The following CPNE4 variants were observed in gnomAD, a reference collection of about 807,000 sequenced individuals.
CPNE4 encodes copine 4.
A neutral mutation model predicts 67.9 loss-of-function variants in CPNE4; 25 were observed. That is an observed-to-expected ratio of 0.37 (90% CI 0.27 to 0.51). CPNE4 has a LOEUF of 0.51. Ranked by LOEUF, CPNE4 falls within the 20% of genes least tolerant of loss-of-function variation. The pLI is 0.93. For synonymous variants in CPNE4, 242 were observed against 244.9 expected (o/e 0.99, Z 0.11); for missense variants, 464 against 690.8 (o/e 0.67, Z 3.68).
At chr3:131,669,567 G>C (rs2080353374) in intron 7 of CPNE4, 108 bp downstream of exon 7, 1 of 777,612 alleles carries the variant, frequency 1.3e-6, no homozygotes, top group Non-Finnish European at 2.1e-6. Flanking sequence ...GAGAGGGTTG[G>C]GTACAGTGTA....
intron 2 of CPNE4, among the ~76,000 whole-genome samples, chr3:131,786,509 G>A (rs1464266946): frequency 6.6e-6 from 1 of 152,118 alleles, no homozygotes. Context: ...CTTTTCTAAT[G>A]TAATCATCCA....
intron 3 of CPNE4, among the ~76,000 whole-genome samples, chr3:131,718,037 A>T (rs1217718969): frequency 6.9e-6 from 1 of 145,100 alleles, no homozygotes; most frequent in East Asian, 2.0e-4. Flanking sequence ...AGAGTATTGC[A>T]CTGTTGCCTG....
chr3:131,725,347 A>G (rs2081977142), intron 2 of CPNE4, among the ~76,000 whole-genome samples: 1 of 152,162 alleles, frequency 6.6e-6, no homozygotes. Flanking sequence ...TGGATGGACA[A>G]TCCGGGTTGC....
At chr3:131,708,977 T>C (rs1583056955) in intron 3 of CPNE4, among the ~76,000 whole-genome samples, 1 of 94,408 alleles carries the variant, frequency 1.1e-5, no homozygotes, top group Admixed American at 9.8e-5. Flanking sequence ...TATATATATA[T>C]ATATATATAT....
chr3:131,664,184 C>T (rs1170108490), intron 7 of CPNE4, among the ~76,000 whole-genome samples: 1 of 152,138 alleles, frequency 6.6e-6, no homozygotes, highest in Non-Finnish European at 1.5e-5. Context: ...CAAGATTGTT[C>T]TGGCATGACA....
chr3:131,676,875 T>C (rs2080587217), intron 6 of CPNE4, among the ~76,000 whole-genome samples: 1 of 152,184 alleles, frequency 6.6e-6, no homozygotes, highest in Admixed American at 6.5e-5. Context: ...CAATGACTTA[T>C]ATTCCTTTGG....
intron 2 of CPNE4, among the ~76,000 whole-genome samples, chr3:131,783,364 A>C (rs771330172): frequency 4.6e-5 from 7 of 151,992 alleles, no homozygotes; most frequent in Non-Finnish European, 8.8e-5. Flanking sequence ...GTTACCTATA[A>C]ATCTTGATGG....
At chr3:131,655,795 T>A (rs952016342) in intron 7 of CPNE4, among the ~76,000 whole-genome samples, 83 of 152,168 alleles carry the variant, frequency 5.5e-4, no homozygotes, top group African/African-American at 2.0e-3. Context: ...CCTCTTCTAC[T>A]TTATTCTATT....
intron 2 of CPNE4, among the ~76,000 whole-genome samples, chr3:131,725,414 A>C (rs1463066415): frequency 6.6e-6 from 1 of 152,098 alleles, no homozygotes; most frequent in East Asian, 1.9e-4. Flanking sequence ...CATACAGAAA[A>C]CCAATCTCCA....
At chr3:131,718,709 G>A (rs1240854233) in intron 3 of CPNE4, among the ~76,000 whole-genome samples, 1 of 152,140 alleles carries the variant, frequency 6.6e-6, no homozygotes, top group Non-Finnish European at 1.5e-5. Context: ...TGCATTTTGA[G>A]TATTTATTTA....
intron 2 of CPNE4, among the ~76,000 whole-genome samples, chr3:131,853,839 A>C (rs956135505): frequency 6.6e-6 from 1 of 151,896 alleles, no homozygotes; most frequent in Non-Finnish European, 1.5e-5. Context: ...AAACCACAGT[A>C]ATATTTCATG....
chr3:131,742,672 C>G (rs2082387308), intron 2 of CPNE4, among the ~76,000 whole-genome samples: 1 of 151,866 alleles, frequency 6.6e-6, no homozygotes, highest in African/African-American at 2.4e-5. Flanking sequence ...CAGACACATC[C>G]TCTGAACAAA....
At chr3:131,582,161 A>C (rs968489436) in intron 8 of CPNE4, among the ~76,000 whole-genome samples, 10 of 152,232 alleles carry the variant, frequency 6.6e-5, no homozygotes, top group Non-Finnish European at 1.5e-5. Context: ...GGTTAGGAAT[A>C]GTGAATGCTG....
At chr3:131,757,802 G>A (rs575116539) in intron 2 of CPNE4, among the ~76,000 whole-genome samples, 3 of 152,270 alleles carry the variant, frequency 2.0e-5, no homozygotes, top group African/African-American at 7.2e-5. Context: ...TGCAGCCTAG[G>A]GAATTGGTGC....
intron 2 of CPNE4, among the ~76,000 whole-genome samples, chr3:131,781,182 C>G (rs1217368244): frequency 6.6e-6 from 1 of 152,112 alleles, no homozygotes; most frequent in Admixed American, 6.6e-5. Flanking sequence ...TTTGGTCCCA[C>G]TCTACCAAGA....
intron 2 of CPNE4, among the ~76,000 whole-genome samples, chr3:131,772,282 T>C (rs944159624): frequency 6.6e-6 from 1 of 152,026 alleles, no homozygotes. Flanking sequence ...TTGAAAAAAA[T>C]CCATGTTAAA....
At position 131,798,633 on chromosome 3, in the gene CPNE4, A is replaced by G. The variant is rs535874544; in HGVS notation, c.181-75008T>C. 2.1e-5 allele frequency among the ~76,000 whole-genome samples: 3 copies of G among 145,898 alleles called. No homozygotes were observed. In the South Asian group the frequency reaches 6.6e-4, roughly 32 times the overall value. ...GGAAGAAGTGATCTTTGAGTCTGATATGATAGTTTTTTGTGATATTTGAGA... is the reference window on the plus strand; with the variant it reads ...GGAAGAAGTGATCTTTGAGTCTGATGTGATAGTTTTTTGTGATATTTGAGA... On this transcript the variant is annotated intron_variant, in intron 2 of 15. Coordinates refer to ENST00000429747, the MANE Select transcript of CPNE4 (RefSeq NM_130808.3).
intron 7 of CPNE4, among the ~76,000 whole-genome samples, chr3:131,636,422 C>G (rs115125267): frequency 6.6e-6 from 1 of 152,062 alleles, no homozygotes; most frequent in Non-Finnish European, 1.5e-5. Context: ...CAGCCATAAT[C>G]CCCCTAGGAA....
intron 2 of CPNE4, among the ~76,000 whole-genome samples, chr3:131,886,784 C>A (rs181317071): frequency 6.6e-6 from 1 of 152,162 alleles, no homozygotes; most frequent in Admixed American, 6.5e-5. Context: ...TTACATGAGC[C>A]CTGTAGCCCC....
Sources: allele counts gnomAD v4.1 joint callset (sites outside exome capture counted in the v4.1 genomes callset), GRCh38; gene constraint gnomAD v4.1.1; transcripts MANE v1.5; gene names NCBI Gene and HGNC (gene_info 2026-07-23, HGNC 2026-07-21).